The following PCDH9 variants were observed in gnomAD, a reference collection of about 807,000 sequenced individuals.
PCDH9 encodes the protein protocadherin-9.
In PCDH9, 24 loss-of-function variants were observed where a neutral mutation model predicts 70.6. That is an observed-to-expected ratio of 0.34 (90% CI 0.25 to 0.48). The LOEUF is 0.48. Among genes scored for constraint, PCDH9 ranks in the 20% least tolerant of loss-of-function variants. The pLI is 0.99. For synonymous variants in PCDH9, 562 were observed against 558.5 expected, an observed-to-expected ratio of 1.01 and a Z score of -0.09; for missense variants, 1,281 against 1,503.6, an observed-to-expected ratio of 0.85 and a Z score of 2.45.
chr13:66,348,265 C>A, intron 4 of PCDH9, among the ~76,000 whole-genome samples: 1 of 152,142 alleles, frequency 6.6e-6, no homozygotes, highest in Admixed American at 6.5e-5. Flanking sequence ...ACCCCCAATC[C>A]CTGCCACCAT....
chr13:67,187,589 C>T (rs1469695560), intron 2 of PCDH9, among the ~76,000 whole-genome samples: 1 of 151,980 alleles, frequency 6.6e-6, no homozygotes, highest in Non-Finnish European at 1.5e-5. Context: ...CCTAAATATG[C>T]ATAATCACAA....
At chr13:66,322,942 G>C (rs1162902471) in intron 4 of PCDH9, among the ~76,000 whole-genome samples, 1 of 151,882 alleles carries the variant, frequency 6.6e-6, no homozygotes, top group East Asian at 1.9e-4. Flanking sequence ...ATACTTAACA[G>C]AAAAATTCTT....
intron 3 of PCDH9, among the ~76,000 whole-genome samples, chr13:66,874,261 A>G (rs765060009): frequency 2.0e-5 from 3 of 152,172 alleles, no homozygotes; most frequent in Non-Finnish European, 4.4e-5. Flanking sequence ...CAGCCCTGCA[A>G]ATCTTAACAT....
At chr13:67,021,762 G>A (rs2084677185) in intron 2 of PCDH9, among the ~76,000 whole-genome samples, 1 of 152,052 alleles carries the variant, frequency 6.6e-6, no homozygotes, top group African/African-American at 2.4e-5. Context: ...GTTTCACCAT[G>A]TTGGCCAGGC....
At chr13:66,736,371 C>T (rs2079148984) in intron 3 of PCDH9, among the ~76,000 whole-genome samples, 1 of 152,174 alleles carries the variant, frequency 6.6e-6, no homozygotes, top group Non-Finnish European at 1.5e-5. Context: ...CAGGTATGCA[C>T]ATTCACAGAG....
chr13:66,917,465 A>G (rs1055833272), intron 2 of PCDH9, among the ~76,000 whole-genome samples: 3 of 151,518 alleles, frequency 2.0e-5, no homozygotes, highest in Non-Finnish European at 4.4e-5. Context: ...GATTATCATA[A>G]TCAGAAACAC....
intron 3 of PCDH9, among the ~76,000 whole-genome samples, chr13:66,648,503 C>G (rs1304072057): frequency 6.6e-6 from 1 of 152,060 alleles, no homozygotes; most frequent in African/African-American, 2.4e-5. Flanking sequence ...TGTTACTGAC[C>G]TTGGGGTGCC....
chr13:66,818,255 T>A (rs1050171819), intron 3 of PCDH9, among the ~76,000 whole-genome samples: 10 of 152,206 alleles, frequency 6.6e-5, no homozygotes, highest in African/African-American at 2.2e-4. Flanking sequence ...ATATTTTAAT[T>A]AAAATGTGTA....
At chr13:66,709,694 G>A (rs920545841) in intron 3 of PCDH9, among the ~76,000 whole-genome samples, 2 of 152,120 alleles carry the variant, frequency 1.3e-5, no homozygotes, top group South Asian at 4.1e-4. Flanking sequence ...AAATAAATAT[G>A]TTTGTAACAT....
intron 3 of PCDH9, among the ~76,000 whole-genome samples, chr13:66,759,852 C>T (rs1047965653): frequency 6.6e-6 from 1 of 151,962 alleles, no homozygotes; most frequent in Admixed American, 6.6e-5. Flanking sequence ...ATCTTTAAAT[C>T]TTCATACTAA....
At chr13:67,022,257 C>T (rs9599176) in intron 2 of PCDH9, among the ~76,000 whole-genome samples, 18,074 of 150,818 alleles carry the variant, frequency 0.12, 1,385 homozygotes, top group Middle Eastern at 0.2. Context: ...CGAGTAGCTG[C>T]GGTTACAGGT....
chr13:66,975,217 C>CA (rs1766734536), intron 2 of PCDH9, among the ~76,000 whole-genome samples: 1 of 151,884 alleles, frequency 6.6e-6, no homozygotes, highest in African/African-American at 2.4e-5. Context: ...TAAATGACCT[C>CA]AAATTAGTGA....
intron 4 of PCDH9, among the ~76,000 whole-genome samples, chr13:66,364,908 A>AT (rs1956529091): frequency 1.3e-5 from 2 of 152,172 alleles, no homozygotes; most frequent in Admixed American, 1.3e-4. Context: ...AGAGGCTCTG[A>AT]TGCTAACAAA....
chr13:66,654,118 G>A (rs901410356), intron 3 of PCDH9, among the ~76,000 whole-genome samples: 3 of 152,032 alleles, frequency 2.0e-5, no homozygotes, highest in Non-Finnish European at 2.9e-5. Context: ...TAAACACAAT[G>A]GAATATTACT....
intron 4 of PCDH9, among the ~76,000 whole-genome samples, chr13:66,362,544 C>A (rs571202331): frequency 6.6e-6 from 1 of 152,058 alleles, no homozygotes; most frequent in Non-Finnish European, 1.5e-5. Context: ...AAAGCCTCTA[C>A]GCATGAAAAT....
intron 3 of PCDH9, among the ~76,000 whole-genome samples, chr13:66,767,137 C>T (rs984010776): frequency 5.9e-5 from 9 of 151,922 alleles, no homozygotes; most frequent in Non-Finnish European, 1.0e-4. Flanking sequence ...TTGCGTCAAT[C>T]TGAAGAGGAT....
At chr13:66,846,880 A>G (rs1263165043) in intron 3 of PCDH9, among the ~76,000 whole-genome samples, 1 of 91,052 alleles carries the variant, frequency 1.1e-5, no homozygotes, top group African/African-American at 3.5e-5. Context: ...TCCCTTTCTC[A>G]TAATACACAC....
At chr13:66,326,725 A>G (rs903227315) in intron 4 of PCDH9, among the ~76,000 whole-genome samples, 2 of 152,148 alleles carry the variant, frequency 1.3e-5, no homozygotes, top group Non-Finnish European at 2.9e-5. Context: ...CGCATAATGC[A>G]TTTTAATTCA....
intron 2 of PCDH9, among the ~76,000 whole-genome samples, chr13:66,972,040 C>A (rs959661321): frequency 6.6e-6 from 1 of 151,554 alleles, no homozygotes; most frequent in Non-Finnish European, 1.5e-5. Context: ...TTCTTAACAC[C>A]AAGGAAGAAA....
Sources: gnomAD v4.1 joint callset for allele counts (sites outside exome capture counted in the v4.1 genomes callset) on GRCh38, gnomAD v4.1.1 for gene constraint, MANE v1.5 for transcripts, NCBI Gene and HGNC (gene_info 2026-07-23, HGNC 2026-07-21) for gene names.